Variants in ERC1 observed in about 807,000 individuals in gnomAD.
ERC1 encodes ELKS/RAB6-interacting/CAST family member 1.
A neutral mutation model predicts 132.0 loss-of-function variants in ERC1; 56 were observed. The ratio of observed to expected loss-of-function variants is 0.42; its 90% CI spans 0.34 to 0.53. ERC1 has a LOEUF of 0.53. Ranked by LOEUF, ERC1 falls within the 20% of genes least tolerant of loss-of-function variation. The probability of loss-of-function intolerance (pLI) is 0.03; values close to 1 mark genes in which losing one functional copy is unlikely to be tolerated. For missense variants in ERC1, 1,202 were observed against 1,349.9 expected (o/e 0.89, Z 1.72); for synonymous variants, 478 against 476.1 (o/e 1.00, Z -0.05).
intron 7 of ERC1, among the ~76,000 whole-genome samples, chr12:1,131,554 C>T (rs1409755759): frequency 1.3e-5 from 2 of 152,082 alleles, no homozygotes; most frequent in African/African-American, 4.8e-5. Context: ...CTCCACCTCC[C>T]GGGTTCGCAC....
At chr12:1,437,558 T>C (rs1357138344) in intron 17 of ERC1, among the ~76,000 whole-genome samples, 1 of 152,162 alleles carries the variant, frequency 6.6e-6, no homozygotes, top group African/African-American at 2.4e-5. Context: ...TCCCTTAGAT[T>C]TCGTTTGAGT....
At chr12:1,257,122 A>G (rs2076865811) in intron 13 of ERC1, 2 of 141,082 alleles carry the variant, frequency 1.4e-5, no homozygotes, top group Non-Finnish European at 3.1e-5. Context: ...ACTGCCTTGC[A>G]CTCCTGAATC....
At chr12:1,003,096 C>CAAAAAAAAAAAAAAAAAAAGAAA (rs59507923) in intron 1 of ERC1, among the ~76,000 whole-genome samples, 1 of 86,894 alleles carries the variant, frequency 1.2e-5, no homozygotes, top group Non-Finnish European at 2.0e-5. Flanking sequence ...ATGAAAAATG[C>CAAAAAAAAAAAAAAAAAAAGAAA]AAAAAAAAAA....
chr12:1,281,876 C>T (rs1371656250), intron 14 of ERC1, among the ~76,000 whole-genome samples: 1 of 152,134 alleles, frequency 6.6e-6, no homozygotes, highest in East Asian at 1.9e-4. Context: ...CTCTTTCTAA[C>T]ATCAGTGACG....
chr12:1,327,468 G>A (rs547909352), intron 15 of ERC1, among the ~76,000 whole-genome samples: 9 of 152,222 alleles, frequency 5.9e-5, no homozygotes, highest in Non-Finnish European at 8.8e-5. Flanking sequence ...ACTTCTTCAC[G>A]TTGTCTGCAC....
chr12:1,180,825 ATT>A, intron 9 of ERC1, 148 bp downstream of exon 9: 3 of 935,414 alleles, frequency 3.2e-6, no homozygotes, highest in Non-Finnish European at 3.1e-6. Flanking sequence ...GAAGGGAAAC[ATT>A]TTTTTTAGAT....
intron 17 of ERC1, among the ~76,000 whole-genome samples, chr12:1,424,350 C>A (rs987575641): frequency 2.6e-5 from 4 of 152,184 alleles, no homozygotes; most frequent in Admixed American, 2.6e-4. Flanking sequence ...ATAAATACGA[C>A]ACCTTATGAC....
At chr12:1,299,474 T>C (rs906424888) in intron 15 of ERC1, among the ~76,000 whole-genome samples, 2 of 152,138 alleles carry the variant, frequency 1.3e-5, no homozygotes, top group Non-Finnish European at 2.9e-5. Flanking sequence ...AAATGTGAAG[T>C]TTTGTGTTTC....
intron 2 of ERC1, among the ~76,000 whole-genome samples, chr12:1,078,436 A>ATT (rs11369509): frequency 0.01 from 1,507 of 146,738 alleles, 12 homozygotes; most frequent in African/African-American, 0.022. Flanking sequence ...TAAATTCCTG[A>ATT]TTTTTTTTTT....
chr12:1,248,496 G>T (rs1017091075), intron 13 of ERC1, among the ~76,000 whole-genome samples: 4 of 152,124 alleles, frequency 2.6e-5, no homozygotes, highest in Non-Finnish European at 4.4e-5. Flanking sequence ...ATAAAAAGTG[G>T]AGAAGACAAA....
At chr12:1,398,398 T>A (rs2090725355) in intron 16 of ERC1, among the ~76,000 whole-genome samples, 1 of 152,202 alleles carries the variant, frequency 6.6e-6, no homozygotes, top group South Asian at 2.1e-4. Context: ...ATGTTATTGT[T>A]AGGAACCAAA....
chr12:1,119,629 A>T (rs1441504761), intron 7 of ERC1, among the ~76,000 whole-genome samples: 1 of 151,132 alleles, frequency 6.6e-6, no homozygotes, highest in Non-Finnish European at 1.5e-5. Flanking sequence ...TTGGCTCACC[A>T]CAACCTCGCC....
At chr12:1,025,274 A>G (rs939724019) in intron 1 of ERC1, among the ~76,000 whole-genome samples, 1 of 152,130 alleles carries the variant, frequency 6.6e-6, no homozygotes, top group South Asian at 2.1e-4. Context: ...CTCCACAAAC[A>G]TTTTTCCCCT....
intron 7 of ERC1, among the ~76,000 whole-genome samples, chr12:1,136,331 C>T (rs892078595): frequency 2.0e-5 from 3 of 152,210 alleles, no homozygotes; most frequent in Non-Finnish European, 4.4e-5. Context: ...CCATTATCTT[C>T]CTCACCAGCC....
intron 7 of ERC1, among the ~76,000 whole-genome samples, chr12:1,135,214 T>C (rs1489696461): frequency 1.3e-5 from 2 of 152,200 alleles, no homozygotes; most frequent in South Asian, 2.1e-4. Flanking sequence ...GATATCTTAT[T>C]TTCTGTTACT....
intron 8 of ERC1, among the ~76,000 whole-genome samples, chr12:1,148,272 C>G (rs184087837): frequency 2.0e-5 from 3 of 152,270 alleles, no homozygotes. Flanking sequence ...TTAATTGACT[C>G]ACATTTCCAT....
chr12:1,232,574 T>A (rs1228707407), intron 12 of ERC1, among the ~76,000 whole-genome samples: 1 of 152,214 alleles, frequency 6.6e-6, no homozygotes, highest in East Asian at 1.9e-4. Flanking sequence ...TCTGCATAAC[T>A]GAGTTTCCTA....
intron 15 of ERC1, among the ~76,000 whole-genome samples, chr12:1,306,058 T>C (rs1286435126): frequency 6.6e-6 from 1 of 152,182 alleles, no homozygotes; most frequent in Non-Finnish European, 1.5e-5. Context: ...ACCCAAACTT[T>C]ATGGTGTCTT....
intron 14 of ERC1, among the ~76,000 whole-genome samples, chr12:1,285,148 A>G (rs186032588): frequency 3.1e-4 from 47 of 152,344 alleles, no homozygotes; most frequent in African/African-American, 1.0e-3. Context: ...CTGGGGAAGT[A>G]ACTTTCACAG....
Sources: gnomAD v4.1 joint callset for allele counts (sites outside exome capture counted in the v4.1 genomes callset) on GRCh38, gnomAD v4.1.1 for gene constraint, MANE v1.5 for transcripts, NCBI Gene and HGNC (gene_info 2026-07-23, HGNC 2026-07-21) for gene names.